VPS13B: variants seen among roughly 807,000 people sequenced by gnomAD.
VPS13B encodes intermembrane lipid transfer protein VPS13B.
In VPS13B, 285 loss-of-function variants were observed where a neutral mutation model predicts 426.4. The observed-to-expected ratio is 0.67, with a 90% CI of 0.61 to 0.74. The LOEUF is 0.74. Ranked by LOEUF, VPS13B falls within the 30% of genes least tolerant of loss-of-function variation. The pLI is 0.00. For synonymous variants in VPS13B, 1,676 were observed against 1,676.4 expected, an observed-to-expected ratio of 1.00 and a Z score of 0.01; for missense variants, 4,537 against 4,782.6, an observed-to-expected ratio of 0.95 and a Z score of 1.51.
At chr8:99,624,007 ATTTTTTT>A (rs1165382455) in intron 33 of VPS13B, among the ~76,000 whole-genome samples, 21 of 101,118 alleles carry the variant, frequency 2.1e-4, no homozygotes, top group Non-Finnish European at 3.0e-4. Flanking sequence ...ATATATATAT[ATTTTTTT>A]TTTTTTTTTT....
intron 35 of VPS13B, among the ~76,000 whole-genome samples, chr8:99,669,281 A>G (rs923138507): frequency 6.6e-6 from 1 of 151,848 alleles, no homozygotes; most frequent in Non-Finnish European, 1.5e-5. Context: ...TTTTTAATTT[A>G]ATGAGAGCTG....
chr8:99,784,618 G>C, intron 43 of VPS13B, 142 bp downstream of exon 43: 1 of 1,130,680 alleles, frequency 8.8e-7, no homozygotes, highest in Non-Finnish European at 1.3e-6. Flanking sequence ...GGAAACCCAA[G>C]AGTGTTTAGA....
intron 30 of VPS13B, among the ~76,000 whole-genome samples, chr8:99,535,081 A>C (rs1215825947): frequency 2.0e-5 from 3 of 152,184 alleles, no homozygotes; most frequent in African/African-American, 7.2e-5. Context: ...AAACCAAAAT[A>C]GAAGCTAACT....
rs77809423 is a variant in VPS13B, at chr8:99,121,699, A to G, written c.1206+254A>G. On this transcript the variant is annotated intron_variant, in intron 8 of 61. Coordinates refer to ENST00000357162, the MANE Select transcript of VPS13B (RefSeq NM_152564.5). Reference sequence around the variant, plus strand: ...CATGGATAGTTTTTTGCCCTATTGAATCATTCAGTTGGTGTACAAACATGC... The same window carrying G: ...CATGGATAGTTTTTTGCCCTATTGAGTCATTCAGTTGGTGTACAAACATGC... The G allele has an allele frequency of 0.045, 43,138 of 955,626 alleles. 1,019 individuals are homozygous for G. The highest frequency in any genetic ancestry group is 0.071 in the African/African-American group (4,293 of 60,654). 59.2% of individuals were successfully genotyped at this position (955,626 alleles called of 1,614,324 possible).
chr8:99,610,437 G>A (rs1257664490), intron 33 of VPS13B, among the ~76,000 whole-genome samples: 3 of 152,150 alleles, frequency 2.0e-5, no homozygotes, highest in African/African-American at 7.2e-5. Context: ...GTCCTTTGCG[G>A]GGACATGGAT....
At chr8:99,285,347 T>C (rs574990175) in intron 19 of VPS13B, among the ~76,000 whole-genome samples, 1 of 152,214 alleles carries the variant, frequency 6.6e-6, no homozygotes, top group East Asian at 1.9e-4. Context: ...GGGTAACCAG[T>C]TTCCCTCATT....
chr8:99,703,999 G>A (rs1051720970), intron 36 of VPS13B, among the ~76,000 whole-genome samples: 4 of 152,114 alleles, frequency 2.6e-5, no homozygotes, highest in Admixed American at 6.6e-5. Flanking sequence ...ATTGGGGGAA[G>A]AACCTTAATG....
chr8:99,206,886 GAT>G (rs751203095), intron 17 of VPS13B, among the ~76,000 whole-genome samples: 107,683 of 151,192 alleles, frequency 0.71, 39,365 homozygotes, highest in South Asian at 0.86. Context: ...TGTGTTCTAA[GAT>G]ATATATTTTT....
At chr8:99,618,210 T>C (rs986038462) in intron 33 of VPS13B, among the ~76,000 whole-genome samples, 1 of 151,918 alleles carries the variant, frequency 6.6e-6, no homozygotes, top group African/African-American at 2.4e-5. Flanking sequence ...ATAAAAAGCC[T>C]TGATACCAGT....
intron 44 of VPS13B, among the ~76,000 whole-genome samples, chr8:99,813,380 G>A (rs1407010517): frequency 6.6e-6 from 1 of 152,150 alleles, no homozygotes; most frequent in Non-Finnish European, 1.5e-5. Context: ...TAAATCTCCT[G>A]GGGTCCAAAG....
chr8:99,038,399 T>G (rs928123102), intron 2 of VPS13B, 24 bp from the exon 3 acceptor site: 11 of 1,571,788 alleles, frequency 7.0e-6, no homozygotes, highest in African/African-American at 1.3e-5. Flanking sequence ...TTACTAATTT[T>G]TATGTAATGT....
rs3134156 is a variant in VPS13B at position 99,467,689 on chromosome 8, T to C, written c.3666+55T>C. 271,264 of 1,566,778 alleles carry C rather than the reference T, an allele frequency of 0.17. 27,034 individuals are homozygous for C. Among genetic ancestry groups the C allele is most frequent in the Admixed American group, 0.4 (23,750 of 59,478 alleles). ...TTAAAGTAATGTGATTTAAAAGCAA[T>C]TGTTATCCATTTTGTTGAAGGGTTT... On this transcript the variant is annotated intron_variant, in intron 24 of 61. Coordinates refer to ENST00000357162, the MANE Select transcript of VPS13B (RefSeq NM_152564.5).
chr8:99,361,340 C>T (rs970110968), intron 19 of VPS13B, among the ~76,000 whole-genome samples: 2 of 152,230 alleles, frequency 1.3e-5, no homozygotes, highest in Middle Eastern at 3.4e-3. Context: ...AATAAAAGAC[C>T]AGATAATTTT....
chr8:99,078,353 T>C (rs1015470872), intron 3 of VPS13B, among the ~76,000 whole-genome samples: 1 of 151,796 alleles, frequency 6.6e-6, no homozygotes, highest in South Asian at 2.1e-4. Flanking sequence ...ATTATGTTGC[T>C]TTTGTAGGGT....
At chr8:99,603,711 C>T (rs537073604) in intron 33 of VPS13B, among the ~76,000 whole-genome samples, 1 of 152,274 alleles carries the variant, frequency 6.6e-6, no homozygotes, top group African/African-American at 2.4e-5. Flanking sequence ...CTTACGGACT[C>T]TTTATTTCTG....
At chr8:99,560,306 G>A (rs952222175) in intron 31 of VPS13B, among the ~76,000 whole-genome samples, 1 of 152,036 alleles carries the variant, frequency 6.6e-6, no homozygotes, top group African/African-American at 2.4e-5. Flanking sequence ...GGAGATTTTG[G>A]GCTGAGACGA....
Position 99,142,943 on chromosome 8 carries a change from T to G in VPS13B, c.1652-31T>G, listed in dbSNP as rs1810512023. 1.9e-6 allele frequency: 3 copies of G among 1,589,638 alleles called. No individual in the cohort carries two copies. The African/African-American group carries it at 4.1e-5, about 22-fold the overall frequency. ...ATATTTACTTGGTATATCCAATTGA[T>G]GCTTAAAATATAAAATTTGACTTCT... On this transcript the variant is annotated intron_variant, in intron 12 of 61. Transcript: ENST00000357162.
chr8:99,511,327 T>C lies in VPS13B; in HGVS notation c.4448T>C (p.Leu1483Pro). The C allele has an allele frequency of 6.2e-7, 1 of 1,613,974 alleles. No individual in the cohort carries two copies. The highest frequency in any genetic ancestry group is 1.7e-4 in the Middle Eastern group (1 of 6,060). ...AFDIVLYFPL[L>P]NAIASIFQAK... is the part of the protein sequence containing the mutation. Reference sequence around the variant, plus strand: ...GATATTGTTCTTTATTTTCCTTTACTTAATGCCATTGCAAGTATATTTCAA... The same window carrying C: ...GATATTGTTCTTTATTTTCCTTTACCTAATGCCATTGCAAGTATATTTCAA... Residue 1483 changes from leucine to proline, a missense_variant, in exon 29 of 62, where the codon CTT becomes CCT. This residue lies in a region of VPS13B where 4,311 missense variants were observed against 4,474.3 expected (regional missense o/e 0.96). Transcript: ENST00000357162.
chr8:99,069,764 T>G (rs554214021), intron 3 of VPS13B, among the ~76,000 whole-genome samples: 6 of 152,130 alleles, frequency 3.9e-5, no homozygotes, highest in African/African-American at 1.4e-4. Context: ...GAGAAGGAAA[T>G]TGGAAGAGTA....
Sources: gnomAD v4.1 joint callset for allele counts (sites outside exome capture counted in the v4.1 genomes callset) on GRCh38, gnomAD v4.1.1 for gene constraint, gnomAD v4.1.1 regional missense constraint, MANE v1.5 for transcripts, NCBI Gene and HGNC (gene_info 2026-07-23, HGNC 2026-07-21) for gene names.